Variants in AQR observed in about 807,000 individuals in gnomAD.
AQR encodes aquarius intron-binding spliceosomal factor.
AQR carries 61 observed loss-of-function variants against 180.5 expected under a neutral mutation model. The observed-to-expected ratio is 0.34, with a 90% CI of 0.28 to 0.42. AQR has a LOEUF of 0.42. AQR is among the 10% of genes least tolerant of loss of function. The pLI, the probability that AQR is intolerant of heterozygous loss-of-function variation, is 1.00. For missense variants in AQR, 1,281 were observed against 1,798.3 expected, an observed-to-expected ratio of 0.71 and a Z score of 5.20; for synonymous variants, 551 against 588.8, an observed-to-expected ratio of 0.94 and a Z score of 0.93.
intron 14 of AQR, among the ~76,000 whole-genome samples, chr15:34,918,672 A>C (rs187433674): frequency 6.6e-6 from 1 of 152,258 alleles, no homozygotes; most frequent in Admixed American, 6.5e-5. Context: ...TAAAACAGAT[A>C]AAGTGCCACA....
At chr15:34,906,228 G>A (rs754687658) in intron 18 of AQR, among the ~76,000 whole-genome samples, 8 of 151,828 alleles carry the variant, frequency 5.3e-5, no homozygotes, top group East Asian at 1.9e-4. Context: ...AAAATTAACC[G>A]GGCATGGTCG....
chr15:34,877,092 C>T (rs1309828924), intron 27 of AQR, among the ~76,000 whole-genome samples: 1 of 152,188 alleles, frequency 6.6e-6, no homozygotes, highest in Non-Finnish European at 1.5e-5. Context: ...AGGTATTACA[C>T]ATTTGTAAAA....
intron 24 of AQR, 131 bp from the exon 25 acceptor site, chr15:34,886,792 A>C: frequency 1.1e-6 from 1 of 945,044 alleles, no homozygotes; most frequent in Non-Finnish European, 1.5e-6. Flanking sequence ...CTTCTATTTA[A>C]CTATTGGTGG....
chr15:34,932,679 G>T (rs1468874483), intron 10 of AQR, among the ~76,000 whole-genome samples: 1 of 152,132 alleles, frequency 6.6e-6, no homozygotes, highest in Non-Finnish European at 1.5e-5. Context: ...GAAAATAAAG[G>T]CCGGGCGCGG....
intron 27 of AQR, 134 bp downstream of exon 27, chr15:34,882,368 T>G: frequency 1.0e-6 from 1 of 991,844 alleles, no homozygotes. Context: ...TCACTAATCA[T>G]GTAAACAAGG....
intron 21 of AQR, 100 bp downstream of exon 21, chr15:34,897,459 T>C: frequency 7.2e-7 from 1 of 1,379,938 alleles, no homozygotes; most frequent in Non-Finnish European, 1.0e-6. Context: ...AGGAGTTTTG[T>C]GGAGTTTTAA....
intron 13 of AQR, among the ~76,000 whole-genome samples, chr15:34,925,217 A>G (rs932636385): frequency 2.0e-5 from 3 of 152,202 alleles, no homozygotes; most frequent in Non-Finnish European, 4.4e-5. Context: ...GGAAAATAAG[A>G]AGGTTACAGA....
chr15:34,896,541 G>GA (rs1490092591), intron 22 of AQR, among the ~76,000 whole-genome samples: 2 of 126,016 alleles, frequency 1.6e-5, no homozygotes, highest in African/African-American at 7.1e-5. Context: ...CTTAATCTAT[G>GA]TTAAAAAAAA....
chr15:34,896,222 C>T (rs114443525), intron 22 of AQR, among the ~76,000 whole-genome samples: 2,587 of 152,212 alleles, frequency 0.017, 73 homozygotes, highest in African/African-American at 0.058. Context: ...ACAAAAGTGG[C>T]CATAAGCAAT....
chr15:34,925,890 C>T (rs186475760), intron 13 of AQR, among the ~76,000 whole-genome samples: 6 of 152,002 alleles, frequency 3.9e-5, no homozygotes, highest in Non-Finnish European at 7.4e-5. Context: ...AAAATAAGGC[C>T]GGGCGCGGTG....
At position 34,942,066 on chromosome 15, in the gene AQR, T is replaced by A. The variant is rs1894031101; in HGVS notation, c.486A>T (p.Ile162=). 2 of 1,612,170 alleles carry A rather than the reference T, an allele frequency of 1.2e-6. No individual in the cohort carries two copies. The highest frequency in any genetic ancestry group is 3.3e-5 in the Admixed American group (2 of 59,942). ...AGATAAGCTGCTGTACTTGACTTCG[T>A]ATCAAGTCTACTTCCTGTTTAGGGC... ...HCFNSLEVDL[I]RSQVQQLISL... is the part of the protein sequence containing the mutation. The change falls in exon 7 of 35, where the codon ATA becomes ATT. Residue 162 remains isoleucine (I), a synonymous_variant. Coordinates refer to ENST00000156471, the MANE Select transcript of AQR (RefSeq NM_014691.3).
At chr15:34,881,063 A>T (rs1287665145) in intron 27 of AQR, among the ~76,000 whole-genome samples, 1 of 152,236 alleles carries the variant, frequency 6.6e-6, no homozygotes, top group African/African-American at 2.4e-5. Flanking sequence ...GATAAGTAGT[A>T]TTCTTTAGAA....
rs2140453990 is a variant in AQR, at chr15:34,854,798, A to G, written c.*1994T>C. The G allele has an allele frequency of 6.6e-6, 1 of 152,350 alleles. No homozygotes were observed. Among genetic ancestry groups the G allele is most frequent in the South Asian group, 2.1e-4 (1 of 4,830 alleles). 9.4% of individuals were successfully genotyped at this position (152,350 alleles called of 1,614,324 possible). On this transcript the variant is annotated 3_prime_UTR_variant, in exon 35 of 35. Coordinates refer to ENST00000156471, the MANE Select transcript of AQR (RefSeq NM_014691.3). ...ATGTACATTGCTTGGACAATAGTTAAGGAGAGAGCACTTAACAGCCAGCTT... is the reference window on the plus strand; with the variant it reads ...ATGTACATTGCTTGGACAATAGTTAGGGAGAGAGCACTTAACAGCCAGCTT...
At position 34,896,984 on chromosome 15, in the gene AQR, TA is replaced by T. The variant is rs1566984622; in HGVS notation, c.2391-19del. ...TCGTATTACTGCAAATAAGAGTAAATAAAAAGTTGGTACAGATAAATGATGC... is the reference window on the plus strand; with the variant it reads ...TCGTATTACTGCAAATAAGAGTAAATAAAAGTTGGTACAGATAAATGATGC... On this transcript the variant is annotated intron_variant, in intron 21 of 34. Transcript: ENST00000156471. 2 of 1,593,940 alleles carry T rather than the reference TA, an allele frequency of 1.3e-6. No individual in the cohort carries two copies. The highest frequency in any genetic ancestry group is 1.1e-5 in the South Asian group (1 of 90,498).
chr15:34,903,223 T>C (rs1005526190), intron 19 of AQR, among the ~76,000 whole-genome samples: 2 of 152,016 alleles, frequency 1.3e-5, no homozygotes, highest in African/African-American at 4.8e-5. Flanking sequence ...ATGGAGTGAA[T>C]AGGAAAAAGT....
In AQR at chr15:34,943,056, T is replaced by C. The variant is rs969185801; in HGVS notation, c.472-976A>G. On this transcript the variant is annotated intron_variant, in intron 6 of 34. Coordinates refer to ENST00000156471, the MANE Select transcript of AQR (RefSeq NM_014691.3). ...TTTAATAAATGTTAAAGAGGCTTTC[T>C]GTGCCGATAACGCTCACGCAAGCAT... 9 of 1,607,156 alleles carry C rather than the reference T, an allele frequency of 5.6e-6. No individual in the cohort carries two copies. In the African/African-American group the frequency reaches 1.2e-4, roughly 21 times the overall value.
chr15:34,941,597 T>A (rs1347157785), intron 7 of AQR, among the ~76,000 whole-genome samples: 1 of 152,136 alleles, frequency 6.6e-6, no homozygotes, highest in African/African-American at 2.4e-5. Flanking sequence ...ATGTATTAAT[T>A]TGGCTTTGGT....
chr15:34,958,531 G>A (rs1315546015), intron 3 of AQR, among the ~76,000 whole-genome samples: 2 of 152,104 alleles, frequency 1.3e-5, no homozygotes, highest in Non-Finnish European at 2.9e-5. Flanking sequence ...GTGCAATGGC[G>A]CAATCTCGGC....
chr15:34,890,402 A>G (rs764602987), intron 23 of AQR, 78 bp from the exon 24 acceptor site: 3 of 1,216,794 alleles, frequency 2.5e-6, no homozygotes, highest in Admixed American at 2.1e-5. Flanking sequence ...CAAAGTTGAA[A>G]CACAGAAGGA....
Sources: allele counts gnomAD v4.1 joint callset (sites outside exome capture counted in the v4.1 genomes callset), GRCh38; gene constraint gnomAD v4.1.1; transcripts MANE v1.5; gene names NCBI Gene and HGNC (gene_info 2026-07-23, HGNC 2026-07-21).